BLZF1: variants seen among roughly 807,000 people sequenced by gnomAD.
The protein encoded by BLZF1 is basic leucine zipper nuclear factor 1.
In BLZF1, 39 loss-of-function variants were observed where a neutral mutation model predicts 43.8. The ratio of observed to expected loss-of-function variants is 0.89; its 90% CI spans 0.69 to 1.16. The LOEUF is 1.16. BLZF1 is among the 50% of genes most tolerant of loss of function. The probability of loss-of-function intolerance (pLI) is 0.00; values close to 1 mark genes in which losing one functional copy is unlikely to be tolerated. For missense variants in BLZF1, 449 were observed against 469.8 expected (o/e 0.96, Z 0.41); for synonymous variants, 136 against 159.4 (o/e 0.85, Z 1.11).
intron 7 of BLZF1, chr1:169,395,058 G>A (rs1654934282): frequency 1.9e-6 from 3 of 1,592,162 alleles, no homozygotes; most frequent in Non-Finnish European, 2.6e-6. Context: ...CAGTTATAAT[G>A]ATCAGTAAAA....
intron 2 of BLZF1, among the ~76,000 whole-genome samples, chr1:169,374,896 T>C (rs1654245888): frequency 6.6e-6 from 1 of 152,114 alleles, no homozygotes; most frequent in Admixed American, 6.6e-5. Context: ...ACAGTTTACA[T>C]GTATTCTTAT....
intron 2 of BLZF1, among the ~76,000 whole-genome samples, chr1:169,375,438 G>C (rs1346407823): frequency 1.1e-5 from 1 of 90,128 alleles, no homozygotes; most frequent in Non-Finnish European, 2.2e-5. Flanking sequence ...ATATGGTCTG[G>C]CTGGACAGTG....
At chr1:169,372,179 C>T (rs548724844) in intron 2 of BLZF1, among the ~76,000 whole-genome samples, 17 of 151,906 alleles carry the variant, frequency 1.1e-4, no homozygotes, top group Admixed American at 4.6e-4. Context: ...TTAATAATAA[C>T]TAAACTTTAT....
chr1:169,380,931 T>C (rs1654505601), intron 5 of BLZF1, among the ~76,000 whole-genome samples: 1 of 152,108 alleles, frequency 6.6e-6, no homozygotes, highest in Non-Finnish European at 1.5e-5. Flanking sequence ...AGTGTACCTG[T>C]CTCTCCTGTG....
At chr1:169,388,712 T>C (rs1445620639), downstream of BLZF1, among the ~76,000 whole-genome samples, 3 of 152,140 alleles carry the variant, frequency 2.0e-5, no homozygotes, top group African/African-American at 7.2e-5. Context: ...GGGCTGGGCA[T>C]GGTGGCTCAT....
chr1:169,368,692 C>G (rs1030844931), intron 1 of BLZF1, among the ~76,000 whole-genome samples: 2 of 152,178 alleles, frequency 1.3e-5, no homozygotes, highest in Non-Finnish European at 2.9e-5. Context: ...TTGGATACCT[C>G]TTTTCGGAGC....
chr1:169,395,148 TTCTC>T (rs1654941408), intron 7 of BLZF1: 1 of 1,613,580 alleles, frequency 6.2e-7, no homozygotes, highest in South Asian at 1.1e-5. Context: ...AGCTGTCTAG[TTCTC>T]TCTCTGACAG....
At chr1:169,379,403 T>C (rs556486871) in intron 4 of BLZF1, among the ~76,000 whole-genome samples, 6 of 152,162 alleles carry the variant, frequency 3.9e-5, no homozygotes, top group African/African-American at 1.4e-4. Context: ...ATTGTGCTAG[T>C]TCATTATGCT....
At chr1:169,385,661 C>A (rs779631967) in intron 6 of BLZF1, among the ~76,000 whole-genome samples, 1 of 152,170 alleles carries the variant, frequency 6.6e-6, no homozygotes, top group Non-Finnish European at 1.5e-5. Flanking sequence ...TAATACCAAA[C>A]AAACTTCCAT....
chr1:169,373,371 G>A lies in BLZF1; in HGVS notation c.29-3169G>A, dbSNP rs184167690. 1.6e-3 allele frequency among the ~76,000 whole-genome samples: 242 copies of A among 152,288 alleles called. 1 individual carries two copies. Among genetic ancestry groups the A allele is most frequent in the Non-Finnish European group, 2.3e-3 (156 of 68,016 alleles). The stretch of plus-strand genomic sequence containing the variant: ...AAGCGTTACTCATAATTATGGAGCT[G>A]TTACCATAGGTCCTTGTCTTCCCAA... On this transcript the variant is annotated intron_variant, in intron 2 of 6. Coordinates refer to ENST00000367808, the MANE Select transcript of BLZF1 (RefSeq NM_001320973.2).
In BLZF1 at chr1:169,379,529, C is replaced by A. The variant is rs186910612; in HGVS notation, c.669-952C>A. 1.0e-3 allele frequency among the ~76,000 whole-genome samples: 159 copies of A among 152,002 alleles called. 2 individuals are homozygous for A. Among genetic ancestry groups the A allele is most frequent in the African/African-American group, 3.7e-3 (152 of 41,520 alleles). Reference sequence around the variant, plus strand: ...TTGTACAAATTTTTGCAATATGCAACTTTTTAACATCCTGATCAACACCAA... The same window carrying A: ...TTGTACAAATTTTTGCAATATGCAAATTTTTAACATCCTGATCAACACCAA... On this transcript the variant is annotated intron_variant, in intron 4 of 6. Transcript: ENST00000367808.
chr1:169,371,106 A>C (rs73036860), intron 2 of BLZF1, among the ~76,000 whole-genome samples: 4,479 of 152,314 alleles, frequency 0.029, 188 homozygotes, highest in African/African-American at 0.1. Context: ...CATGCTAATA[A>C]ATATTTAATT....
intron 6 of BLZF1, 150 bp downstream of exon 6, chr1:169,382,431 T>C (rs1654553908): frequency 4.5e-6 from 3 of 664,762 alleles, no homozygotes; most frequent in Non-Finnish European, 7.5e-6. Flanking sequence ...TGGAGAAAAT[T>C]ATTTCCTCTT....
Position 169,369,475 on chromosome 1 carries a change from T to C in BLZF1, c.-48T>C, listed in dbSNP as rs558038725. The stretch of plus-strand genomic sequence containing the variant: ...ATTTCATATGCATACATTTCTAGGT[T>C]GTTCAGCAGAAGTCTTGGAGTGCAT... On this transcript the variant is annotated splice_region_variant and 5_prime_UTR_variant, in exon 2 of 7. Coordinates refer to ENST00000367808, the MANE Select transcript of BLZF1 (RefSeq NM_001320973.2). The C allele has an allele frequency of 1.9e-6, 3 of 1,550,654 alleles. No individual in the cohort carries two copies. The highest frequency in any genetic ancestry group is 2.7e-5 in the African/African-American group (2 of 72,916).
intron 3 of BLZF1, 115 bp downstream of exon 3, chr1:169,377,094 A>G (rs957926648): frequency 2.3e-6 from 2 of 871,358 alleles, no homozygotes; most frequent in Non-Finnish European, 3.5e-6. Flanking sequence ...CTAGCTTGTC[A>G]GTTCTCTAAA....
intron 6 of BLZF1, among the ~76,000 whole-genome samples, chr1:169,386,453 G>T (rs758383640): frequency 2.6e-5 from 4 of 152,164 alleles, no homozygotes; most frequent in Middle Eastern, 3.4e-3. Context: ...GCCGAGGCAG[G>T]CAGATCACAA....
chr1:169,372,546 A>G (rs1215386370), intron 2 of BLZF1, among the ~76,000 whole-genome samples: 1 of 152,138 alleles, frequency 6.6e-6, no homozygotes, highest in African/African-American at 2.4e-5. Context: ...AGTCTACAAG[A>G]GAAACAAATT....
In BLZF1 at chr1:169,387,337, T is replaced by G; in HGVS notation, c.*155T>G. 1 of 595,716 alleles carries G rather than the reference T, an allele frequency of 1.7e-6. No individual in the cohort carries two copies. The highest frequency in any genetic ancestry group is 2.8e-6 in the Non-Finnish European group (1 of 362,190). The allele number at this position is 595,716 out of a possible 1,614,324, so 36.9% of individuals were successfully genotyped here. ...ATATTTTATGTACTAGACTCCAGATTACCCTTTCTTAATAAATATCTCAGG... is the reference window on the plus strand; with the variant it reads ...ATATTTTATGTACTAGACTCCAGATGACCCTTTCTTAATAAATATCTCAGG... On this transcript the variant is annotated 3_prime_UTR_variant, in exon 7 of 7. Coordinates refer to ENST00000367808, the MANE Select transcript of BLZF1 (RefSeq NM_001320973.2).
At chr1:169,383,581 A>G (rs917846224) in intron 6 of BLZF1, among the ~76,000 whole-genome samples, 1 of 152,106 alleles carries the variant, frequency 6.6e-6, no homozygotes, top group African/African-American at 2.4e-5. Context: ...CTGCCCCACT[A>G]TTCTCAGTAA....
Sources: gnomAD v4.1 joint callset for allele counts (sites outside exome capture counted in the v4.1 genomes callset) on GRCh38, gnomAD v4.1.1 for gene constraint, MANE v1.5 for transcripts, NCBI Gene and HGNC (gene_info 2026-07-23, HGNC 2026-07-21) for gene names.